The following SGK3 variants were observed in gnomAD, a reference collection of about 807,000 sequenced individuals.
SGK3 encodes serum/glucocorticoid regulated kinase family member 3.
A neutral mutation model predicts 68.5 loss-of-function variants in SGK3; 47 were observed. The observed-to-expected ratio is 0.69, with a 90% CI of 0.54 to 0.87. The LOEUF is 0.87. Among genes scored for constraint, SGK3 ranks in the 40% least tolerant of loss-of-function variants. The pLI, the probability that SGK3 is intolerant of heterozygous loss-of-function variation, is 0.00. For synonymous variants in SGK3, 181 were observed against 189.1 expected, an observed-to-expected ratio of 0.96 and a Z score of 0.35; for missense variants, 479 against 575.5, an observed-to-expected ratio of 0.83 and a Z score of 1.72.
intron 2 of SGK3, among the ~76,000 whole-genome samples, chr8:66,794,970 A>G (rs1208300246): frequency 1.3e-5 from 2 of 152,162 alleles, no homozygotes; most frequent in Non-Finnish European, 2.9e-5. Context: ...GCAACTCACC[A>G]CTGACTCAGT....
chr8:66,818,977 A>ATAT (rs1296595588), intron 5 of SGK3, among the ~76,000 whole-genome samples: 1 of 152,242 alleles, frequency 6.6e-6, no homozygotes, highest in East Asian at 1.9e-4. Flanking sequence ...GATAATGCAA[A>ATAT]ATAGTTGTGC....
chr8:66,787,455 G>T (rs762253927), intron 1 of SGK3, among the ~76,000 whole-genome samples: 34 of 152,314 alleles, frequency 2.2e-4, no homozygotes, highest in Non-Finnish European at 4.1e-4. Context: ...TTCCCTAAGG[G>T]CTGTCTAATC....
At chr8:66,827,956 T>A (rs1417993399) in intron 6 of SGK3, among the ~76,000 whole-genome samples, 1 of 151,954 alleles carries the variant, frequency 6.6e-6, no homozygotes, top group Non-Finnish European at 1.5e-5. Flanking sequence ...ACCCCGTCTC[T>A]ACTAAAAATA....
intron 1 of SGK3, among the ~76,000 whole-genome samples, chr8:66,777,476 C>A (rs1806758685): frequency 6.6e-6 from 1 of 152,152 alleles, no homozygotes; most frequent in Admixed American, 6.5e-5. Flanking sequence ...CTATTTTCCC[C>A]TCCCTCCATT....
At chr8:66,749,149 G>A (rs1472236615) in intron 1 of SGK3, among the ~76,000 whole-genome samples, 1 of 152,142 alleles carries the variant, frequency 6.6e-6, no homozygotes, top group Non-Finnish European at 1.5e-5. Context: ...GACCCATATT[G>A]TATTATTCAG....
chr8:66,839,326 C>T (rs1397953087), intron 10 of SGK3, among the ~76,000 whole-genome samples: 2 of 150,622 alleles, frequency 1.3e-5, no homozygotes, highest in African/African-American at 2.4e-5. Flanking sequence ...TGTTTAGCTG[C>T]AGCCGGTTGC....
At chr8:66,750,216 G>A (rs1805772882) in intron 1 of SGK3, among the ~76,000 whole-genome samples, 1 of 152,058 alleles carries the variant, frequency 6.6e-6, no homozygotes, top group Non-Finnish European at 1.5e-5. Flanking sequence ...TGCCAATGCT[G>A]TCCTTTGTAC....
At chr8:66,742,021 C>G (rs1366445703) in intron 1 of SGK3, among the ~76,000 whole-genome samples, 2 of 152,200 alleles carry the variant, frequency 1.3e-5, no homozygotes, top group Non-Finnish European at 2.9e-5. Context: ...AGTTTGATGT[C>G]AGTCCTTGGG....
chr8:66,795,200 T>G (rs1285692806), intron 2 of SGK3, among the ~76,000 whole-genome samples: 3 of 152,208 alleles, frequency 2.0e-5, no homozygotes, highest in African/African-American at 7.2e-5. Context: ...CGGAAAATGA[T>G]GGTTTTCTCT....
intron 1 of SGK3, among the ~76,000 whole-genome samples, chr8:66,752,058 C>G (rs1805834902): frequency 6.6e-6 from 1 of 152,122 alleles, no homozygotes. Flanking sequence ...AGCCCCCAAG[C>G]CTGGCCTAAA....
At chr8:66,785,166 G>A (rs1260978364) in intron 1 of SGK3, among the ~76,000 whole-genome samples, 1 of 152,208 alleles carries the variant, frequency 6.6e-6, no homozygotes, top group African/African-American at 2.4e-5. Context: ...TGGATCCCTG[G>A]TGCTCTCTTC....
At chr8:66,830,720 A>G (rs991153445) in intron 7 of SGK3, among the ~76,000 whole-genome samples, 1 of 152,208 alleles carries the variant, frequency 6.6e-6, no homozygotes, top group African/African-American at 2.4e-5. Flanking sequence ...TTTATCTTTA[A>G]TGTACAATAA....
chr8:66,815,487 C>T (rs1488126719), intron 5 of SGK3, among the ~76,000 whole-genome samples: 1 of 152,196 alleles, frequency 6.6e-6, no homozygotes, highest in African/African-American at 2.4e-5. Context: ...TTTTTATTTT[C>T]TTAAACATTA....
intron 5 of SGK3, among the ~76,000 whole-genome samples, chr8:66,821,141 G>A (rs925868676): frequency 6.6e-6 from 1 of 152,034 alleles, no homozygotes; most frequent in Non-Finnish European, 1.5e-5. Context: ...CCCCACAGTC[G>A]TCATGAGTCC....
intron 4 of SGK3, 117 bp downstream of exon 4, chr8:66,804,564 G>T: frequency 9.4e-7 from 1 of 1,059,014 alleles, no homozygotes. Flanking sequence ...TATGCTCTGT[G>T]AAAATAATGC....
chr8:66,794,978 A>G (rs1051548615), intron 2 of SGK3, among the ~76,000 whole-genome samples: 1 of 152,200 alleles, frequency 6.6e-6, no homozygotes, highest in East Asian at 1.9e-4. Context: ...CCACTGACTC[A>G]GTACCTTGGC....
intron 8 of SGK3, 91 bp downstream of exon 8, chr8:66,831,402 A>AGT (rs1809298175): frequency 1.4e-6 from 2 of 1,480,702 alleles, no homozygotes; most frequent in East Asian, 4.6e-5. Flanking sequence ...GCTGGAGTGT[A>AGT]GTGGTGCAGT....
intron 1 of SGK3, among the ~76,000 whole-genome samples, chr8:66,787,589 A>G (rs190862996): frequency 2.6e-5 from 4 of 152,222 alleles, no homozygotes; most frequent in Admixed American, 6.5e-5. Context: ...GAGTCTCTAT[A>G]TAGCCTCCAC....
At chr8:66,800,113 G>A (rs1450659141) in intron 3 of SGK3, among the ~76,000 whole-genome samples, 3 of 152,054 alleles carry the variant, frequency 2.0e-5, no homozygotes, top group East Asian at 1.9e-4. Context: ...AGGCTGAGGC[G>A]AGTGGATCAG....
Sources: allele counts gnomAD v4.1 joint callset (sites outside exome capture counted in the v4.1 genomes callset), GRCh38; gene constraint gnomAD v4.1.1; transcripts MANE v1.5; gene names NCBI Gene and HGNC (gene_info 2026-07-23, HGNC 2026-07-21).